Variants in NR5A2 observed in about 807,000 individuals in gnomAD.
NR5A2 encodes the protein CYP7A promoter-binding factor.
NR5A2 carries 26 observed loss-of-function variants against 62.7 expected under a neutral mutation model. That is an observed-to-expected ratio of 0.41 (90% CI 0.30 to 0.58). The LOEUF (loss-of-function observed/expected upper bound fraction) is 0.58. Among genes scored for constraint, NR5A2 ranks in the 20% least tolerant of loss-of-function variants. The probability of loss-of-function intolerance (pLI) is 0.22; values close to 1 mark genes in which losing one functional copy is unlikely to be tolerated. For missense variants in NR5A2, 541 were observed against 669.1 expected (o/e 0.81, Z 2.11); for synonymous variants, 246 against 241.7 (o/e 1.02, Z -0.16).
intron 1 of NR5A2, among the ~76,000 whole-genome samples, chr1:200,037,811 T>G (rs1034426863): frequency 2.6e-5 from 4 of 152,140 alleles, no homozygotes; most frequent in Non-Finnish European, 5.9e-5. Context: ...AAATGACAAA[T>G]CAATTAAGAG....
chr1:200,047,043 G>A (rs1454826619), intron 4 of NR5A2, among the ~76,000 whole-genome samples: 1 of 152,104 alleles, frequency 6.6e-6, no homozygotes, highest in Non-Finnish European at 1.5e-5. Context: ...AATTTTTAAT[G>A]TGATACTAAT....
At chr1:200,132,875 A>G (rs1224113486) in intron 7 of NR5A2, among the ~76,000 whole-genome samples, 2 of 152,302 alleles carry the variant, frequency 1.3e-5, no homozygotes, top group Non-Finnish European at 1.5e-5. Flanking sequence ...GACAGCACCA[A>G]TGTGGCCTCA....
chr1:200,146,715 G>C (rs1667716882), intron 7 of NR5A2, among the ~76,000 whole-genome samples: 1 of 152,132 alleles, frequency 6.6e-6, no homozygotes, highest in Non-Finnish European at 1.5e-5. Context: ...TCAAACTGGG[G>C]CTGGAAGTCA....
rs1667733980 is a variant in NR5A2 at position 200,147,008 on chromosome 1, T to C, written c.1378+26053T>C. ...CTTTGTTTTTATTCACTGAAACCAA[T>C]AAAAGAGTTGAACACAGCAAAACTT... On this transcript the variant is annotated intron_variant, in intron 7 of 7. Coordinates refer to ENST00000367362, the MANE Select transcript of NR5A2 (RefSeq NM_205860.3). The surrounding 1 kb of genome is among the most constrained non-coding windows in gnomAD (Gnocchi z 4.9). Among the ~76,000 whole-genome samples the C allele has an allele frequency of 2.0e-5, 3 of 150,996 alleles. No individual in the cohort carries two copies. Among genetic ancestry groups the C allele is most frequent in the Admixed American group, 1.3e-4 (2 of 15,152 alleles).
rs1039518232 is a variant in NR5A2 at position 200,039,154 on chromosome 1, GAGAT to G, written c.65-501_65-498del. Among the ~76,000 whole-genome samples, 3 of 152,128 alleles carry G rather than the reference GAGAT, an allele frequency of 2.0e-5. No individual in the cohort carries two copies. Among genetic ancestry groups the G allele is most frequent in the Non-Finnish European group, 2.9e-5 (2 of 68,026 alleles). On this transcript the variant is annotated intron_variant, in intron 1 of 7. Transcript: ENST00000367362. This position sits in a 1 kb window ranked among gnomAD's most constrained non-coding sequence, Gnocchi z 5.1. Reference sequence around the variant, plus strand: ...ATAGTGAGCAAGAGAGAGGCAGAGAGAGATAGGGGGAAGGGGCGGAGAGGAGGGG... The same window carrying G: ...ATAGTGAGCAAGAGAGAGGCAGAGAGAGGGGGAAGGGGCGGAGAGGAGGGG...
intron 5 of NR5A2, among the ~76,000 whole-genome samples, chr1:200,104,806 G>A (rs1329046865): frequency 1.3e-5 from 2 of 152,160 alleles, no homozygotes; most frequent in Admixed American, 6.5e-5. Context: ...GGAATTACAG[G>A]CACGTGCCAC....
chr1:200,172,089 A>G (rs563040045), intron 7 of NR5A2, among the ~76,000 whole-genome samples: 1 of 152,284 alleles, frequency 6.6e-6, no homozygotes, highest in Admixed American at 6.5e-5. Flanking sequence ...CTTGCTGGTG[A>G]GAGTATTTTT....
chr1:200,132,529 T>C (rs1368398026), intron 7 of NR5A2, among the ~76,000 whole-genome samples: 11 of 152,230 alleles, frequency 7.2e-5, no homozygotes, highest in African/African-American at 1.7e-4. Flanking sequence ...GCTATTCTCC[T>C]TGATTACATT....
intron 7 of NR5A2, among the ~76,000 whole-genome samples, chr1:200,137,317 A>ATTTTTT (rs775106954): frequency 3.0e-5 from 4 of 131,154 alleles, no homozygotes; most frequent in African/African-American, 1.1e-4. Flanking sequence ...CACCTGGCTA[A>ATTTTTT]TTTTTTTTTT....
chr1:200,076,538 T>A (rs1179906817), intron 5 of NR5A2, among the ~76,000 whole-genome samples: 1 of 152,166 alleles, frequency 6.6e-6, no homozygotes, highest in African/African-American at 2.4e-5. Context: ...AATTTTAGGT[T>A]AACTTACTAT....
chr1:200,093,713 A>G (rs1159801333), intron 5 of NR5A2, among the ~76,000 whole-genome samples: 2 of 152,242 alleles, frequency 1.3e-5, no homozygotes, highest in African/African-American at 4.8e-5. Flanking sequence ...TTTGTAGTCT[A>G]TAGACTCCTC....
intron 6 of NR5A2, 60 bp from the exon 7 acceptor site, chr1:200,120,748 T>C: frequency 6.8e-7 from 1 of 1,463,782 alleles, no homozygotes; most frequent in Non-Finnish European, 9.1e-7. Context: ...TTCTTACGAC[T>C]CAGGTGAAAT....
chr1:200,054,901 A>G (rs563275210), intron 5 of NR5A2, among the ~76,000 whole-genome samples: 5 of 148,902 alleles, frequency 3.4e-5, no homozygotes, highest in Admixed American at 3.4e-4. Context: ...ACTTAGTCCT[A>G]CTTTTTTTTT....
At chr1:200,062,874 G>A (rs1353315382) in intron 5 of NR5A2, among the ~76,000 whole-genome samples, 1 of 152,076 alleles carries the variant, frequency 6.6e-6, no homozygotes, top group Non-Finnish European at 1.5e-5. Context: ...TCTTACTCCA[G>A]CTTTGGAGAA....
In NR5A2 at chr1:200,147,114, G is replaced by A. The variant is rs1486432946; in HGVS notation, c.1378+26159G>A. On this transcript the variant is annotated intron_variant, in intron 7 of 7. Coordinates refer to ENST00000367362, the MANE Select transcript of NR5A2 (RefSeq NM_205860.3). This position sits in a 1 kb window ranked among gnomAD's most constrained non-coding sequence, Gnocchi z 4.9. ...TTGCCCAAAATAAATAAGGGCTGGTGAGGAAAATAAAAAATGTTTCCGAAA... is the reference window on the plus strand; with the variant it reads ...TTGCCCAAAATAAATAAGGGCTGGTAAGGAAAATAAAAAATGTTTCCGAAA... Among the ~76,000 whole-genome samples the A allele has an allele frequency of 6.6e-6, 1 of 152,272 alleles. No homozygotes were observed. Among genetic ancestry groups the A allele is most frequent in the East Asian group, 1.9e-4 (1 of 5,188 alleles).
intron 7 of NR5A2, among the ~76,000 whole-genome samples, chr1:200,160,025 C>G (rs147546340): frequency 6.6e-6 from 1 of 152,308 alleles, no homozygotes; most frequent in Non-Finnish European, 1.5e-5. Flanking sequence ...TGGCACCCTC[C>G]TCACTGTCAT....
At chr1:200,053,569 G>GCGCACA (rs374944913) in intron 5 of NR5A2, among the ~76,000 whole-genome samples, 4,597 of 142,074 alleles carry the variant, frequency 0.032, 111 homozygotes, top group African/African-American at 0.049. Context: ...GCATGCACAC[G>GCGCACA]CACACACACA....
chr1:200,133,526 T>TATATATATATATATATATATATATAC (rs1416690757), intron 7 of NR5A2, among the ~76,000 whole-genome samples: 1 of 87,412 alleles, frequency 1.1e-5, no homozygotes, highest in East Asian at 3.0e-4. Context: ...TATATATATA[T>TATATATATATATATATATATATATAC]ACACACACAT....
At chr1:200,052,928 C>A (rs531531828) in intron 5 of NR5A2, among the ~76,000 whole-genome samples, 188 of 152,234 alleles carry the variant, frequency 1.2e-3, no homozygotes, top group Non-Finnish European at 2.4e-3. Flanking sequence ...GCATGAGCCA[C>A]CGCACCCGGC....
Sources: gnomAD v4.1 joint callset for allele counts (sites outside exome capture counted in the v4.1 genomes callset) on GRCh38, gnomAD v4.1.1 for gene constraint, Gnocchi (gnomAD v3.1) non-coding constraint, MANE v1.5 for transcripts, NCBI Gene and HGNC (gene_info 2026-07-23, HGNC 2026-07-21) for gene names.